The following BLTP1 variants were observed in gnomAD, a reference collection of about 807,000 sequenced individuals.
BLTP1 encodes the protein bridge-like lipid transfer protein family member 1.
the BLTP1 span, chr4:122,238,148 G>A: frequency 1.6e-5 from 26 of 1,613,930 alleles, no homozygotes; most frequent in East Asian, 5.6e-4. Flanking sequence ...GGGAATAGAA[G>A]TAGAGAGAAA....
At chr4:122,285,777 AAGG>A in the BLTP1 span, among the ~76,000 whole-genome samples, 1 of 152,156 alleles carries the variant, frequency 6.6e-6, no homozygotes, top group East Asian at 1.9e-4. Flanking sequence ...GCTGGTTTGA[AAGG>A]AGCATGTGTA....
chr4:122,332,319 A>C, the BLTP1 span, among the ~76,000 whole-genome samples: 1 of 152,054 alleles, frequency 6.6e-6, no homozygotes, highest in Non-Finnish European at 1.5e-5. Flanking sequence ...CAAATGTAGT[A>C]GTGATGATAA....
the BLTP1 span, chr4:122,348,948 TAATTTTCTA>T: frequency 1.9e-6 from 1 of 538,922 alleles, no homozygotes; most frequent in African/African-American, 1.9e-5. Flanking sequence ...GAGAACAGGG[TAATTTTCTA>T]GCTTTTCTAG....
the BLTP1 span, chr4:122,247,848 A>G: frequency 4.1e-6 from 4 of 981,002 alleles, no homozygotes; most frequent in Non-Finnish European, 4.8e-6. Flanking sequence ...GCTGTTATAC[A>G]TCATTTTAAT....
the BLTP1 span, chr4:122,229,143 G>T: frequency 6.2e-7 from 1 of 1,604,780 alleles, no homozygotes; most frequent in Non-Finnish European, 8.5e-7. Context: ...CCTGGGCCTT[G>T]TCCAACTTCA....
the BLTP1 span, among the ~76,000 whole-genome samples, chr4:122,284,491 T>C: frequency 6.6e-6 from 1 of 152,170 alleles, no homozygotes; most frequent in South Asian, 2.1e-4. Context: ...TCTAATGAAA[T>C]GAAAATGTAT....
At chr4:122,195,586 G>A in the BLTP1 span, 1 of 179,026 alleles carries the variant, frequency 5.6e-6, no homozygotes, top group Non-Finnish European at 1.1e-5. Flanking sequence ...GGGCAAGATA[G>A]TGAAGCTACA....
At chr4:122,200,924 A>T in the BLTP1 span, 1 of 1,517,436 alleles carries the variant, frequency 6.6e-7, no homozygotes, top group South Asian at 1.3e-5. Flanking sequence ...ATTACTCACT[A>T]GCGTGTGTAA....
At chr4:122,279,985 A>C in the BLTP1 span, 3 of 1,613,914 alleles carry the variant, frequency 1.9e-6, no homozygotes, top group East Asian at 4.5e-5. Context: ...CTACAGCGTA[A>C]GTTATTTTAT....
the BLTP1 span, among the ~76,000 whole-genome samples, chr4:122,166,572 C>T: frequency 1.3e-5 from 2 of 152,012 alleles, no homozygotes; most frequent in Non-Finnish European, 2.9e-5. Flanking sequence ...TTTTTGGTTC[C>T]ATATGAACTT....
At chr4:122,232,440 C>T in the BLTP1 span, among the ~76,000 whole-genome samples, 13 of 152,042 alleles carry the variant, frequency 8.6e-5, no homozygotes, top group African/African-American at 2.4e-4. Context: ...GTATTTTATT[C>T]GCTAAATCTA....
At chr4:122,200,385 C>G in the BLTP1 span, 3 of 629,096 alleles carry the variant, frequency 4.8e-6, no homozygotes, top group Non-Finnish European at 5.9e-6. Flanking sequence ...CGAGACCAGC[C>G]TGACCAATAT....
chr4:122,305,862 TA>T, the BLTP1 span: 2 of 1,562,614 alleles, frequency 1.3e-6, no homozygotes, highest in South Asian at 2.4e-5. Context: ...TATTGAGCTT[TA>T]AATTTTATTT....
chr4:122,263,006 T>C, the BLTP1 span: 2 of 1,606,386 alleles, frequency 1.2e-6, no homozygotes, highest in Non-Finnish European at 1.7e-6. Flanking sequence ...GATTTGATAA[T>C]TACATGTTTA....
At chr4:122,199,443 T>C in the BLTP1 span, 2 of 1,612,940 alleles carry the variant, frequency 1.2e-6, no homozygotes, top group Admixed American at 3.3e-5. Flanking sequence ...GAAGCAGAAA[T>C]GTTAGCAGTA....
the BLTP1 span, chr4:122,276,682 C>A: frequency 1.1e-6 from 1 of 918,068 alleles, no homozygotes; most frequent in Non-Finnish European, 1.3e-6. Context: ...CAGTAAGTAG[C>A]AGCATTTCAG....
At chr4:122,172,430 T>G in the BLTP1 span, 1 of 449,494 alleles carries the variant, frequency 2.2e-6, no homozygotes, top group South Asian at 9.6e-5. Flanking sequence ...TATACTTTCA[T>G]TAAAAAAATA....
chr4:122,201,222 A>G, the BLTP1 span: 20,841 of 885,546 alleles, frequency 0.024, 1,422 homozygotes, highest in African/African-American at 0.21. Flanking sequence ...GGGATATGAT[A>G]TGATTCATAT....
At chr4:122,196,097 C>T in the BLTP1 span, among the ~76,000 whole-genome samples, 1 of 152,132 alleles carries the variant, frequency 6.6e-6, no homozygotes, top group Admixed American at 6.6e-5. Flanking sequence ...ATCTATTGCT[C>T]TTTAGCCTTT....
Sources: gnomAD v4.1 joint callset for allele counts (sites outside exome capture counted in the v4.1 genomes callset) on GRCh38, gnomAD v4.1.1 for gene constraint, MANE v1.5 for transcripts, NCBI Gene and HGNC (gene_info 2026-07-23, HGNC 2026-07-21) for gene names.